PAIP1: variants seen among roughly 807,000 people sequenced by gnomAD.
The protein encoded by PAIP1 is polyadenylate-binding protein-interacting protein 1.
Under a neutral mutation model 61.3 loss-of-function variants are expected in PAIP1, and 16 were observed. The ratio of observed to expected loss-of-function variants is 0.26; its 90% confidence interval spans 0.18 to 0.40. PAIP1 has a LOEUF of 0.40. Among genes scored for constraint, PAIP1 ranks in the 10% least tolerant of loss-of-function variants. The pLI is 1.00. For synonymous variants in PAIP1, 187 were observed against 226.2 expected (o/e 0.83, Z 1.56); for missense variants, 416 against 600.9 (o/e 0.69, Z 3.22).
Position 43,556,926 on chromosome 5 carries a change from T to C in PAIP1, c.-80A>G. On this transcript the variant is annotated 5_prime_UTR_variant, in exon 1 of 11. Transcript: ENST00000306846. ...GGACGCGGGGGGAAGGCGCCGCGGG[T>C]CGGCTATAGCCGCCGCGCCTCACTC... The C allele has an allele frequency of 1.5e-6, 2 of 1,311,544 alleles. No individual in the cohort carries two copies. The highest frequency in any genetic ancestry group is 9.7e-7 in the Non-Finnish European group (1 of 1,032,820). The allele number at this position is 1,311,544 out of a possible 1,614,324, so 81.2% of individuals were successfully genotyped here.
Position 43,535,572 on chromosome 5 carries a change from C to G in PAIP1, c.1041G>C (p.Gln347His), listed in dbSNP as rs1747110683. Residue 347 changes from glutamine to histidine, a missense_variant, in exon 7 of 11, where the codon CAG becomes CAC. By Grantham distance (24) the Gln-to-His change is conservative (BLOSUM62 0). Transcript: ENST00000306846. Reference protein sequence around the residue: ...KGKMDMEEIIQRIENVVLDAN... With the variant: ...KGKMDMEEIIHRIENVVLDAN... ...CATCTAGGACAACGTTTTCAATTCT[C>G]TGAATAATTTCTTCCATATCCATCT... is the stretch of plus-strand genomic sequence containing the variant. The G allele has an allele frequency of 1.2e-6, 2 of 1,601,556 alleles. No individual in the cohort carries two copies. The highest frequency in any genetic ancestry group is 1.7e-6 in the Non-Finnish European group (2 of 1,170,342).
At chr5:43,538,822 A>C (rs1247494453) in intron 5 of PAIP1, 102 bp downstream of exon 5, 3 of 674,714 alleles carry the variant, frequency 4.4e-6, no homozygotes, top group East Asian at 2.6e-5. Context: ...CTTTCATTTC[A>C]CTCTTAATGT....
intron 9 of PAIP1, 99 bp from the exon 10 acceptor site, chr5:43,529,978 C>G: frequency 1.5e-6 from 1 of 664,808 alleles, no homozygotes; most frequent in Non-Finnish European, 2.7e-6. Context: ...CTTTTGCCCC[C>G]CTGCATGCTC....
intron 9 of PAIP1, among the ~76,000 whole-genome samples, 191 bp from the exon 10 acceptor site, chr5:43,530,070 C>T (rs184427996): frequency 5.9e-5 from 9 of 152,262 alleles, no homozygotes; most frequent in African/African-American, 1.4e-4. Context: ...CATTCATAGC[C>T]AATGTGTTTA....
chr5:43,550,080 G>A (rs1219845385), intron 2 of PAIP1, among the ~76,000 whole-genome samples: 1 of 151,778 alleles, frequency 6.6e-6, no homozygotes, highest in East Asian at 1.9e-4. Context: ...ACTATGAGAG[G>A]CAGTCAGGAA....
chr5:43,540,389 C>CT (rs5867637), intron 4 of PAIP1, among the ~76,000 whole-genome samples: 3 of 151,616 alleles, frequency 2.0e-5, no homozygotes, highest in South Asian at 2.1e-4. Flanking sequence ...GATGAAATAA[C>CT]TTTTTTTTTC....
chr5:43,528,345 C>T lies in PAIP1; in HGVS notation c.1347-876G>A, dbSNP rs548259558. Among the ~76,000 whole-genome samples the T allele has an allele frequency of 2.8e-4, 43 of 152,242 alleles. 1 individual carries two copies. In the South Asian group the frequency reaches 8.5e-3, roughly 30 times the overall value. Reference sequence around the variant, plus strand: ...ACCCCTCCAATAATCCAATCCCTTCCACCTACAAGCATGAAAAAACAATCT... The same window carrying T: ...ACCCCTCCAATAATCCAATCCCTTCTACCTACAAGCATGAAAAAACAATCT... On this transcript the variant is annotated intron_variant, in intron 10 of 10. Transcript: ENST00000306846.
Position 43,543,115 on chromosome 5 carries a change from G to C in PAIP1, c.623C>G (p.Ala208Gly). The change falls in exon 4 of 11, where the codon GCC becomes GGC. Residue 208 changes from alanine (A) to glycine (G), a missense_variant and splice_region_variant. Physicochemically the swap from Ala to Gly is moderately conservative, Grantham distance 60. Coordinates refer to ENST00000306846, the MANE Select transcript of PAIP1 (RefSeq NM_006451.5). Reference sequence around the variant, plus strand: ...ATAAGAGAAATTTGGGATAGATGTGGCCTTTTAAAAAGAAGAAAAGTGTTA... The same window carrying C: ...ATAAGAGAAATTTGGGATAGATGTGCCCTTTTAAAAAGAAGAAAAGTGTTA... ...QELVELIYQQATSIPNFSYMG... is the reference protein window; with the variant it reads ...QELVELIYQQGTSIPNFSYMG... The C allele has an allele frequency of 6.5e-7, 1 of 1,548,248 alleles. No individual in the cohort carries two copies. Among genetic ancestry groups the C allele is most frequent in the Non-Finnish European group, 8.9e-7 (1 of 1,121,772 alleles).
At chr5:43,528,661 C>T (rs1431763960) in intron 10 of PAIP1, among the ~76,000 whole-genome samples, 1 of 151,908 alleles carries the variant, frequency 6.6e-6, no homozygotes, top group African/African-American at 2.4e-5. Flanking sequence ...ATTTCTAGAT[C>T]TCAAACCGAC....
At chr5:43,527,548 G>A in intron 10 of PAIP1, 79 bp from the exon 11 acceptor site, 2 of 1,278,896 alleles carry the variant, frequency 1.6e-6, no homozygotes, top group Non-Finnish European at 2.2e-6. Flanking sequence ...AAAAAATAAT[G>A]TAATACAACT....
chr5:43,553,789 C>G (rs1388003523), intron 2 of PAIP1, among the ~76,000 whole-genome samples: 1 of 152,026 alleles, frequency 6.6e-6, no homozygotes, highest in East Asian at 1.9e-4. Flanking sequence ...ATGAAATAAG[C>G]CAGAAAGCAA....
chr5:43,541,591 T>A (rs1330309655), intron 4 of PAIP1, among the ~76,000 whole-genome samples: 5 of 150,458 alleles, frequency 3.3e-5, no homozygotes, highest in Non-Finnish European at 5.9e-5. Flanking sequence ...AAGCTTGAAT[T>A]TTCAAGGGTC....
chr5:43,536,767 T>A, intron 6 of PAIP1, 52 bp downstream of exon 6: 1 of 967,314 alleles, frequency 1.0e-6, no homozygotes, highest in Non-Finnish European at 1.6e-6. Flanking sequence ...CTAACCTTCC[T>A]CTAAATCATA....
In PAIP1 at chr5:43,536,964, G is replaced by T. The variant is rs772529509; in HGVS notation, c.847-20C>A. ...CTTGATCTTTCGGGACCAAAAAAAAGAACAAAAGGAATGATGCCAAAATAT... is the reference window on the plus strand; with the variant it reads ...CTTGATCTTTCGGGACCAAAAAAAATAACAAAAGGAATGATGCCAAAATAT... On this transcript the variant is annotated intron_variant, in intron 5 of 10. Coordinates refer to ENST00000306846, the MANE Select transcript of PAIP1 (RefSeq NM_006451.5). 1 of 1,540,096 alleles carries T rather than the reference G, an allele frequency of 6.5e-7. No homozygotes were observed. Among genetic ancestry groups the T allele is most frequent in the South Asian group, 1.2e-5 (1 of 81,706 alleles).
intron 6 of PAIP1, among the ~76,000 whole-genome samples, chr5:43,536,253 C>T (rs1003355832): frequency 4.6e-5 from 7 of 152,112 alleles, no homozygotes; most frequent in African/African-American, 1.2e-4. Flanking sequence ...ATATGCTCGT[C>T]CACCCACCAA....
chr5:43,536,391 T>A (rs892844595), intron 6 of PAIP1, among the ~76,000 whole-genome samples: 8 of 152,194 alleles, frequency 5.3e-5, no homozygotes, highest in Admixed American at 3.3e-4. Context: ...CATTGATAGA[T>A]GTTACGGAAT....
At chr5:43,529,178 T>C (rs1307078217) in intron 10 of PAIP1, among the ~76,000 whole-genome samples, 1 of 150,606 alleles carries the variant, frequency 6.6e-6, no homozygotes, top group Non-Finnish European at 1.5e-5. Flanking sequence ...ATTTTATAGA[T>C]GGAGAAGCAG....
At chr5:43,557,104 G>A (rs1748131692), upstream of PAIP1, 12 of 572,936 alleles carry the variant, frequency 2.1e-5, no homozygotes, top group East Asian at 3.5e-4. Flanking sequence ...CCGGCTCCCC[G>A]CCTTCGGCGC....
rs1747175347 is a variant in PAIP1, at chr5:43,536,809, A to G, written c.972+10T>C. ...TACGTAAATTAGTTAAATTAAAAAAAAAAACCTACCTTTAACAATTTTACT... is the reference window on the plus strand; with the variant it reads ...TACGTAAATTAGTTAAATTAAAAAAGAAAACCTACCTTTAACAATTTTACT... On this transcript the variant is annotated intron_variant, in intron 6 of 10. Transcript: ENST00000306846. 1.4e-6 allele frequency: 2 copies of G among 1,433,058 alleles called. No homozygotes were observed. The highest frequency in any genetic ancestry group is 1.9e-6 in the Non-Finnish European group (2 of 1,042,288). The allele number at this position is 1,433,058 out of a possible 1,614,324, so 88.8% of individuals were successfully genotyped here.
Sources: gnomAD v4.1 joint callset for allele counts (sites outside exome capture counted in the v4.1 genomes callset) on GRCh38, gnomAD v4.1.1 for gene constraint, MANE v1.5 for transcripts, NCBI Gene and HGNC (gene_info 2026-07-23, HGNC 2026-07-21) for gene names.